The following FAM83F variants were observed in gnomAD, a reference collection of about 807,000 sequenced individuals.
The protein encoded by FAM83F is protein FAM83F.
FAM83F carries 45 observed loss-of-function variants against 42.9 expected under a neutral mutation model. The observed-to-expected ratio is 1.05, with a 90% CI of 0.83 to 1.35. FAM83F has a LOEUF of 1.35. Among genes scored for constraint, FAM83F ranks in the 40% most tolerant of loss-of-function variants. The pLI, the probability that FAM83F is intolerant of heterozygous loss-of-function variation, is 0.00. For missense variants in FAM83F, 617 were observed against 695.9 expected (o/e 0.89, Z 1.28); for synonymous variants, 306 against 298.3 (o/e 1.03, Z -0.27).
rs2067507612 is a variant in FAM83F at position 40,019,355 on chromosome 22, T to C, written c.657+20T>C. 1 of 1,608,652 alleles carries C rather than the reference T, an allele frequency of 6.2e-7. No individual in the cohort carries two copies. The highest frequency in any genetic ancestry group is 8.5e-7 in the Non-Finnish European group (1 of 1,177,090). ...ATTCGGGTAAGTTGCACCACTGGGG[T>C]GGAAAGTGGACAGGAGATGAGACAG... is the stretch of plus-strand genomic sequence containing the variant. On this transcript the variant is annotated intron_variant, in intron 2 of 4. Transcript: ENST00000333407.
At chr22:40,010,963 T>G (rs951970322) in intron 1 of FAM83F, among the ~76,000 whole-genome samples, 2 of 152,136 alleles carry the variant, frequency 1.3e-5, no homozygotes, top group African/African-American at 4.8e-5. Context: ...TGGTTTTGGT[T>G]TGGTTGGTTG....
chr22:39,995,589 G>A lies in FAM83F; in HGVS notation c.489+58G>A. The A allele has an allele frequency of 1.4e-6, 2 of 1,466,266 alleles. No individual in the cohort carries two copies. Among genetic ancestry groups the A allele is most frequent in the South Asian group, 1.4e-5 (1 of 73,842 alleles). 90.8% of individuals were successfully genotyped at this position (1,466,266 alleles called of 1,614,324 possible). ...GACCTCGGCCCCAGTCCCCTGGACC[G>A]GGCCCCACCTCCCAGGCAGGGCCCG... On this transcript the variant is annotated intron_variant, in intron 1 of 4. Transcript: ENST00000333407. This position sits in a 1 kb window ranked among gnomAD's most constrained non-coding sequence, Gnocchi z 4.6.
intron 1 of FAM83F, among the ~76,000 whole-genome samples, chr22:40,009,467 G>T (rs1351659613): frequency 6.6e-6 from 1 of 152,228 alleles, no homozygotes; most frequent in African/African-American, 2.4e-5. Context: ...TGAATTGGAG[G>T]GCAGAGGTGA....
In FAM83F at chr22:39,995,127, G is replaced by A. The variant is rs2067366606; in HGVS notation, c.85G>A (p.Glu29Lys). 7.3e-7 allele frequency: 1 copy of A among 1,373,394 alleles called. No individual in the cohort carries two copies. The highest frequency in any genetic ancestry group is 9.3e-7 in the Non-Finnish European group (1 of 1,072,712). 85.1% of individuals were successfully genotyped at this position (1,373,394 alleles called of 1,614,324 possible). The change falls in exon 1 of 5, where the codon GAG becomes AAG. Residue 29 changes from glutamate to lysine, a missense_variant. Physicochemically the swap from Glu to Lys is moderately conservative, Grantham distance 56. Coordinates refer to ENST00000333407, the MANE Select transcript of FAM83F (RefSeq NM_138435.4). The surrounding 1 kb of genome is among the most constrained non-coding windows in gnomAD (Gnocchi z 4.6). ...GGCGCAGGCCGCCTTCTACTACTGC[G>A]AGCGGCGGCGGGCCGCGCTGGAGGC... ...TEAQAAFYYC[E>K]RRRAALEALL... is the part of the protein sequence containing the mutation.
At position 40,015,634 on chromosome 22, in the gene FAM83F, A is replaced by G. The variant is rs575471692; in HGVS notation, c.490-3534A>G. Among the ~76,000 whole-genome samples, 5 of 151,600 alleles carry G rather than the reference A, an allele frequency of 3.3e-5. No homozygotes were observed. In the South Asian group the frequency reaches 1.1e-3, roughly 32 times the overall value. The stretch of plus-strand genomic sequence containing the variant: ...ACACTCGTGCAAGGCAGCCCAGACA[A>G]CCTCCCTGCTCAATTTTTCTCCTGT... On this transcript the variant is annotated intron_variant, in intron 1 of 4. Coordinates refer to ENST00000333407, the MANE Select transcript of FAM83F (RefSeq NM_138435.4).
At position 40,024,161 on chromosome 22, in the gene FAM83F, G is replaced by A. The variant is rs139465913; in HGVS notation, c.1453+2198G>A. Among the ~76,000 whole-genome samples the A allele has an allele frequency of 6.3e-4, 96 of 152,254 alleles. 1 individual carries two copies. The highest frequency in any genetic ancestry group is 2.5e-3 in the Admixed American group (39 of 15,296). On this transcript the variant is annotated intron_variant, in intron 4 of 4. Transcript: ENST00000333407. The stretch of plus-strand genomic sequence containing the variant: ...CTCACAGGTGTGTGCCACCATGCCT[G>A]GCTAATTTTTTAAATTGTTTGTATA...
chr22:40,005,888 C>T (rs994717520), intron 1 of FAM83F, among the ~76,000 whole-genome samples: 8 of 152,156 alleles, frequency 5.3e-5, no homozygotes, highest in African/African-American at 1.4e-4. Context: ...CCCCAGCGGA[C>T]GAAGCACAGA....
Position 39,995,596 on chromosome 22 carries a change from ACCTCCCAGGCAGGGCCCG to A in FAM83F, c.489+66_489+83del. On this transcript the variant is annotated intron_variant, in intron 1 of 4. Coordinates refer to ENST00000333407, the MANE Select transcript of FAM83F (RefSeq NM_138435.4). The surrounding 1 kb of genome is among the most constrained non-coding windows in gnomAD (Gnocchi z 4.6). ...GCCCCAGTCCCCTGGACCGGGCCCC[ACCTCCCAGGCAGGGCCCG>A]GGGCAGGCCGCCCTGAGCACCCTCT... is the stretch of plus-strand genomic sequence containing the variant. The A allele has an allele frequency of 1.4e-6, 2 of 1,459,044 alleles. No individual in the cohort carries two copies. The highest frequency in any genetic ancestry group is 5.1e-5 in the Admixed American group (2 of 39,500). The allele number at this position is 1,459,044 out of a possible 1,614,324, so 90.4% of individuals were successfully genotyped here. A position where few individuals can be genotyped will look rare whatever the true frequency, so the allele number is the denominator to read the frequency against.
Position 40,021,495 on chromosome 22 carries a change from T to C in FAM83F, c.985T>C (p.Leu329=). 1 of 1,589,194 alleles carries C rather than the reference T, an allele frequency of 6.3e-7. No homozygotes were observed. The highest frequency in any genetic ancestry group is 8.6e-7 in the Non-Finnish European group (1 of 1,162,904). ...ARKLINPKYA[L]VSGCRHPPGE... ...AAAGCTTATCAACCCCAAGTACGCC[T>C]TGGTGTCAGGCTGCCGCCACCCGCC... Residue 329 remains leucine (L), a synonymous_variant, in exon 4 of 5, where the codon TTG becomes CTG. Transcript: ENST00000333407. The surrounding 1 kb of genome is among the most constrained non-coding windows in gnomAD (Gnocchi z 8.7).
At chr22:40,004,816 G>A (rs1194550899) in intron 1 of FAM83F, among the ~76,000 whole-genome samples, 3 of 152,150 alleles carry the variant, frequency 2.0e-5, no homozygotes, top group African/African-American at 7.2e-5. Flanking sequence ...GAGAGGATAA[G>A]GTCACACCAC....
In FAM83F at chr22:40,036,634, G is replaced by C. The variant is rs1403994714; in HGVS notation, c.*7069G>C. The C allele has an allele frequency of 1.3e-5, 2 of 152,376 alleles. No individual in the cohort carries two copies. Among genetic ancestry groups the C allele is most frequent in the East Asian group, 3.9e-4 (2 of 5,186 alleles). The allele number at this position is 152,376 out of a possible 1,614,324, so 9.4% of individuals were successfully genotyped here. A position where few individuals can be genotyped will look rare whatever the true frequency, so the allele number is the denominator to read the frequency against. ...CAGGCCATGGGGCTTCCCAAGCCAG[G>C]CCTGTACTCCTCATGTAGATTCCAC... On this transcript the variant is annotated 3_prime_UTR_variant, in exon 5 of 5. Transcript: ENST00000333407.
rs2067517389 is a variant in FAM83F, at chr22:40,021,115, C to T, written c.780-175C>T. ...TGCTTGCTTCATTTGAGGCCAAGCTCTGGGGAAAGGGAGGCTACGGGTGGG... is the reference window on the plus strand; with the variant it reads ...TGCTTGCTTCATTTGAGGCCAAGCTTTGGGGAAAGGGAGGCTACGGGTGGG... On this transcript the variant is annotated intron_variant, in intron 3 of 4. Transcript: ENST00000333407. The surrounding 1 kb of genome is among the most constrained non-coding windows in gnomAD (Gnocchi z 8.7). 6.6e-6 allele frequency among the ~76,000 whole-genome samples: 1 copy of T among 152,146 alleles called. No individual in the cohort carries two copies. Among genetic ancestry groups the T allele is most frequent in the Non-Finnish European group, 1.5e-5 (1 of 68,008 alleles).
intron 1 of FAM83F, among the ~76,000 whole-genome samples, chr22:40,016,554 G>A (rs1326325663): frequency 6.6e-6 from 1 of 152,082 alleles, no homozygotes; most frequent in Non-Finnish European, 1.5e-5. Context: ...AGTGAGTCTA[G>A]AGGCCTCATA....
In FAM83F at chr22:40,029,748, T is replaced by A; in HGVS notation, c.*183T>A. The A allele has an allele frequency of 1.2e-6, 1 of 825,636 alleles. No individual in the cohort carries two copies. Among genetic ancestry groups the A allele is most frequent in the Non-Finnish European group, 1.8e-6 (1 of 546,770 alleles). 51.1% of individuals were successfully genotyped at this position (825,636 alleles called of 1,614,324 possible). On this transcript the variant is annotated 3_prime_UTR_variant, in exon 5 of 5. Coordinates refer to ENST00000333407, the MANE Select transcript of FAM83F (RefSeq NM_138435.4). ...AATGAGAGGGTCCGAAGCATCTCAG[T>A]CACACGCCTCCACCGGACTGTCGGT...
rs2067575871 is a variant in FAM83F, at chr22:40,029,683, C to T, written c.*118C>T. ...CATCAGACGCCAACTGGCCTTCTGC[C>T]CTGCAGCCTCCGTCCTGGCCTCAGG... On this transcript the variant is annotated 3_prime_UTR_variant, in exon 5 of 5. Coordinates refer to ENST00000333407, the MANE Select transcript of FAM83F (RefSeq NM_138435.4). 1 of 1,427,224 alleles carries T rather than the reference C, an allele frequency of 7.0e-7. No individual in the cohort carries two copies. Among genetic ancestry groups the T allele is most frequent in the South Asian group, 1.3e-5 (1 of 74,836 alleles). The allele number at this position is 1,427,224 out of a possible 1,614,324, so 88.4% of individuals were successfully genotyped here. A position where few individuals can be genotyped will look rare whatever the true frequency, so the allele number is the denominator to read the frequency against.
rs1361876604 is a variant in FAM83F, at chr22:40,041,749, A to G, written c.*12184A>G. On this transcript the variant is annotated 3_prime_UTR_variant, in exon 5 of 5. Coordinates refer to ENST00000333407, the MANE Select transcript of FAM83F (RefSeq NM_138435.4). The stretch of plus-strand genomic sequence containing the variant: ...TGTTCATAAAAGAGTCTGGGAAGAT[A>G]GTCTCCTTAACAGTGTCTGGATGTA... 1 of 152,176 alleles carries G rather than the reference A, an allele frequency of 6.6e-6. No homozygotes were observed. Among genetic ancestry groups the G allele is most frequent in the Non-Finnish European group, 1.5e-5 (1 of 68,042 alleles). 9.4% of individuals were successfully genotyped at this position (152,176 alleles called of 1,614,324 possible).
rs546684674 is a variant in FAM83F at position 39,995,833 on chromosome 22, T to C, written c.489+302T>C. ...TCCAGCCTTCCTCCCCAGGGAAGAC[T>C]GGGGGCCGAGGCCCTGTGGTTAAAA... is the stretch of plus-strand genomic sequence containing the variant. On this transcript the variant is annotated intron_variant, in intron 1 of 4. Coordinates refer to ENST00000333407, the MANE Select transcript of FAM83F (RefSeq NM_138435.4). The surrounding 1 kb of genome is among the most constrained non-coding windows in gnomAD (Gnocchi z 4.6). Among the ~76,000 whole-genome samples, 1 of 152,334 alleles carries C rather than the reference T, an allele frequency of 6.6e-6. No homozygotes were observed. Among genetic ancestry groups the C allele is most frequent in the African/African-American group, 2.4e-5 (1 of 41,578 alleles).
Position 39,995,755 on chromosome 22 carries a change from T to C in FAM83F, c.489+224T>C, listed in dbSNP as rs1002304619. ...GTGCTGGACAGATGTCAGCCGTCGG[T>C]ATTCCAGCGTTCAGAGGCACTGGCT... On this transcript the variant is annotated intron_variant, in intron 1 of 4. Coordinates refer to ENST00000333407, the MANE Select transcript of FAM83F (RefSeq NM_138435.4). This position sits in a 1 kb window ranked among gnomAD's most constrained non-coding sequence, Gnocchi z 4.6. Among the ~76,000 whole-genome samples, 8 of 152,200 alleles carry C rather than the reference T, an allele frequency of 5.3e-5. No individual in the cohort carries two copies. The highest frequency in any genetic ancestry group is 1.9e-4 in the African/African-American group (8 of 41,464).
Position 40,032,487 on chromosome 22 carries a change from T to G in FAM83F, c.*2922T>G, listed in dbSNP as rs1459953774. The G allele has an allele frequency of 6.6e-6, 1 of 152,014 alleles. No individual in the cohort carries two copies. The highest frequency in any genetic ancestry group is 1.5e-5 in the Non-Finnish European group (1 of 68,018). 9.4% of individuals were successfully genotyped at this position (152,014 alleles called of 1,614,324 possible). A position where few individuals can be genotyped will look rare whatever the true frequency, so the allele number is the denominator to read the frequency against. ...TACCCTCTGCCTGTGTAGAACTTTA[T>G]AGAAAGGCTAGGCAAAAAATGAGAC... On this transcript the variant is annotated 3_prime_UTR_variant, in exon 5 of 5. Coordinates refer to ENST00000333407, the MANE Select transcript of FAM83F (RefSeq NM_138435.4).
Sources: gnomAD v4.1 joint callset for allele counts (sites outside exome capture counted in the v4.1 genomes callset) on GRCh38, gnomAD v4.1.1 for gene constraint, Gnocchi (gnomAD v3.1) non-coding constraint, MANE v1.5 for transcripts, NCBI Gene and HGNC (gene_info 2026-07-23, HGNC 2026-07-21) for gene names.